INO80: variants seen among roughly 807,000 people sequenced by gnomAD.
The protein encoded by INO80 is chromatin-remodeling ATPase INO80.
A neutral mutation model predicts 203.4 loss-of-function variants in INO80; 20 were observed. That is an observed-to-expected ratio of 0.10 (90% CI 0.07 to 0.14). INO80 has a LOEUF of 0.14. INO80 is among the 10% of genes least tolerant of loss of function. INO80 has a pLI of 1.00. For synonymous variants in INO80, 726 were observed against 685.2 expected (o/e 1.06, Z -0.93); for missense variants, 1,419 against 1,914.4 (o/e 0.74, Z 4.83).
chr15:40,980,627 G>A (rs1893791784), intron 35 of INO80, among the ~76,000 whole-genome samples, 187 bp from the exon 36 acceptor site: 1 of 152,132 alleles, frequency 6.6e-6, no homozygotes. Context: ...TTCAGTAAGA[G>A]GAATAGATTT....
intron 24 of INO80, among the ~76,000 whole-genome samples, chr15:41,037,672 G>C (rs1337913408): frequency 6.6e-6 from 1 of 152,102 alleles, no homozygotes; most frequent in Non-Finnish European, 1.5e-5. Flanking sequence ...GCTGGGTGTG[G>C]TGGCTCACGC....
At chr15:41,004,767 C>T (rs1305993850) in intron 28 of INO80, 1 of 152,156 alleles carries the variant, frequency 6.6e-6, no homozygotes, top group Non-Finnish European at 1.5e-5. Context: ...GTAGATTGTA[C>T]AGTATTGCAA....
chr15:41,031,848 T>C (rs796160058), intron 24 of INO80, among the ~76,000 whole-genome samples: 2 of 152,020 alleles, frequency 1.3e-5, no homozygotes, highest in African/African-American at 2.4e-5. Flanking sequence ...TTTCGCACCA[T>C]ACAAAAGTCT....
intron 27 of INO80, 144 bp downstream of exon 27, chr15:41,015,944 C>T: frequency 2.1e-6 from 1 of 466,100 alleles, no homozygotes; most frequent in Non-Finnish European, 3.5e-6. Flanking sequence ...GACTCTGTCT[C>T]AAAAAAAAAA....
chr15:40,995,640 G>A (rs1247445889), intron 29 of INO80, among the ~76,000 whole-genome samples: 1 of 152,168 alleles, frequency 6.6e-6, no homozygotes, highest in Non-Finnish European at 1.5e-5. Flanking sequence ...GTATGAAGCC[G>A]GGAACTGAGA....
At chr15:41,004,802 A>G (rs1356579800) in intron 28 of INO80, 1 of 152,236 alleles carries the variant, frequency 6.6e-6, no homozygotes, top group Non-Finnish European at 1.5e-5. Context: ...CTGTACTGCT[A>G]CTATGTTAAA....
chr15:41,114,351 T>C (rs922718893), intron 1 of INO80, among the ~76,000 whole-genome samples: 6 of 151,816 alleles, frequency 4.0e-5, no homozygotes, highest in Admixed American at 2.0e-4. Flanking sequence ...AATTGTTTTA[T>C]AGGAGGAGGA....
At chr15:40,995,537 A>G (rs1193267894) in intron 29 of INO80, among the ~76,000 whole-genome samples, 1 of 152,234 alleles carries the variant, frequency 6.6e-6, no homozygotes, top group East Asian at 1.9e-4. Flanking sequence ...AGAATTCCTG[A>G]AGAGTTTTAA....
chr15:41,074,185 T>C (rs2045366131), intron 10 of INO80, among the ~76,000 whole-genome samples, 185 bp downstream of exon 10: 1 of 152,090 alleles, frequency 6.6e-6, no homozygotes, highest in African/African-American at 2.4e-5. Flanking sequence ...CCTATTCAAA[T>C]TCTTTAATAA....
intron 32 of INO80, among the ~76,000 whole-genome samples, chr15:40,984,779 G>C (rs1893958386): frequency 6.6e-6 from 1 of 152,204 alleles, no homozygotes; most frequent in Admixed American, 6.5e-5. Flanking sequence ...ACTTATTGAG[G>C]CTGACTGAAT....
chr15:41,021,526 C>A (rs954089154), intron 25 of INO80, among the ~76,000 whole-genome samples: 1 of 152,248 alleles, frequency 6.6e-6, no homozygotes, highest in African/African-American at 2.4e-5. Context: ...TGCAGCTAGT[C>A]AGACTTCATT....
At chr15:41,104,664 A>C (rs2045858128) in intron 1 of INO80, among the ~76,000 whole-genome samples, 2 of 151,778 alleles carry the variant, frequency 1.3e-5, no homozygotes, top group African/African-American at 4.8e-5. Context: ...CAGTCTTCCG[A>C]GTAGCTGGGA....
At chr15:41,101,657 C>G (rs1018556611) in intron 1 of INO80, among the ~76,000 whole-genome samples, 10 of 151,516 alleles carry the variant, frequency 6.6e-5, no homozygotes, top group African/African-American at 2.2e-4. Context: ...TCAAGCCATT[C>G]TCCTGCCTCA....
At chr15:40,985,899 C>G (rs889749884) in intron 31 of INO80, among the ~76,000 whole-genome samples, 1 of 152,080 alleles carries the variant, frequency 6.6e-6, no homozygotes, top group African/African-American at 2.4e-5. Flanking sequence ...CACAGCAAAA[C>G]TCTGTCTAAA....
chr15:41,034,360 G>T (rs1482083040), intron 24 of INO80, among the ~76,000 whole-genome samples: 2 of 152,102 alleles, frequency 1.3e-5, no homozygotes, highest in African/African-American at 4.8e-5. Flanking sequence ...AGAAGGGGAG[G>T]ACTGGGTTAG....
At chr15:41,038,253 G>A (rs913349611) in intron 24 of INO80, among the ~76,000 whole-genome samples, 2 of 151,300 alleles carry the variant, frequency 1.3e-5, no homozygotes, top group Non-Finnish European at 3.0e-5. Context: ...CAGGTGATCC[G>A]CCCACCTCAG....
intron 1 of INO80, among the ~76,000 whole-genome samples, chr15:41,105,695 T>C (rs959049531): frequency 1.3e-5 from 2 of 152,246 alleles, no homozygotes; most frequent in African/African-American, 4.8e-5. Context: ...TATAAAACTT[T>C]ATTTTATACT....
chr15:41,066,655 G>A (rs780282238), intron 14 of INO80, among the ~76,000 whole-genome samples: 5 of 151,180 alleles, frequency 3.3e-5, no homozygotes, highest in Admixed American at 6.6e-5. Flanking sequence ...ATAGCAAGAC[G>A]GCACCATAAA....
At position 40,980,273 on chromosome 15, in the gene INO80, A is replaced by T. The variant is rs927903396; in HGVS notation, c.4621T>A (p.Ser1541Thr). The change falls in exon 36 of 36, where the codon TCT (serine) becomes ACT (threonine). Residue 1541 changes from serine to threonine, a missense_variant. By Grantham distance (58) the Ser-to-Thr change is moderately conservative. Transcript: ENST00000648947. The stretch of plus-strand genomic sequence containing the variant: ...CCTTTGCCCTGTTTCCGGACCAGAG[A>T]GTCTGGGGCTAGGCTGCTGGTCATG... ...LHMTSSLAPD[S>T]LVRKQGKGTN... The T allele has an allele frequency of 1.9e-6, 3 of 1,613,406 alleles. No individual in the cohort carries two copies. Among genetic ancestry groups the T allele is most frequent in the African/African-American group, 2.7e-5 (2 of 74,892 alleles).
Sources: allele counts gnomAD v4.1 joint callset (sites outside exome capture counted in the v4.1 genomes callset), GRCh38; gene constraint gnomAD v4.1.1; transcripts MANE v1.5; gene names NCBI Gene and HGNC (gene_info 2026-07-23, HGNC 2026-07-21).